ABCC11: variants seen among roughly 807,000 people sequenced by gnomAD.
ABCC11 encodes the protein ATP-binding cassette sub-family C member 11.
A neutral mutation model predicts 149.3 loss-of-function variants in ABCC11; 135 were observed. The ratio of observed to expected loss-of-function variants is 0.90; its 90% CI spans 0.79 to 1.04. ABCC11 has a LOEUF of 1.04. Ranked by LOEUF, ABCC11 falls within the 50% of genes least tolerant of loss-of-function variation. The pLI is 0.00. For missense variants in ABCC11, 1,680 were observed against 1,722.1 expected (o/e 0.98, Z 0.43); for synonymous variants, 665 against 671.4 (o/e 0.99, Z 0.15).
At chr16:48,223,900 C>T (rs944682529) in intron 5 of ABCC11, among the ~76,000 whole-genome samples, 10 of 152,152 alleles carry the variant, frequency 6.6e-5, no homozygotes, top group Admixed American at 5.9e-4. Flanking sequence ...GCTTTATATA[C>T]TTATCTCATT....
intron 4 of ABCC11, 94 bp downstream of exon 4, chr16:48,227,712 G>A: frequency 1.3e-6 from 2 of 1,547,176 alleles, no homozygotes; most frequent in South Asian, 1.1e-5. Context: ...CGTCTGGCAT[G>A]GCCCCTCCCT....
chr16:48,174,226 G>A (rs1312184052), intron 26 of ABCC11, among the ~76,000 whole-genome samples: 3 of 152,196 alleles, frequency 2.0e-5, no homozygotes. Context: ...TCCTGCTGGG[G>A]GAGCAGGGAA....
chr16:48,192,404 A>T, intron 20 of ABCC11, 116 bp downstream of exon 20: 2 of 1,148,290 alleles, frequency 1.7e-6, no homozygotes, highest in Non-Finnish European at 2.4e-6. Flanking sequence ...AGATTGTGCC[A>T]CTGCACTCCA....
At position 48,232,004 on chromosome 16, in the gene ABCC11, C is replaced by T. The variant is rs147156700; in HGVS notation, c.-18-65G>A. The T allele has an allele frequency of 3.9e-4, 620 of 1,598,956 alleles. 2 individuals are homozygous for T. The African/African-American group carries it at 7.7e-3, about 20-fold the overall frequency. ...GAGTTAGAAGAAGCTTAGATCTCGC[C>T]TTGAGCAGCCAGAAGAGGGGGCACT... On this transcript the variant is annotated intron_variant, in intron 1 of 29. Coordinates refer to ENST00000356608, the MANE Select transcript of ABCC11 (RefSeq NM_001370497.1).
At chr16:48,195,390 C>A (rs1596725646) in intron 18 of ABCC11, among the ~76,000 whole-genome samples, 1 of 152,180 alleles carries the variant, frequency 6.6e-6, no homozygotes, top group Non-Finnish European at 1.5e-5. Flanking sequence ...TTACTCCTTG[C>A]AGGATACCCA....
chr16:48,201,621 C>T (rs935174679), intron 14 of ABCC11, among the ~76,000 whole-genome samples: 1 of 151,906 alleles, frequency 6.6e-6, no homozygotes, highest in African/African-American at 2.4e-5. Context: ...TTTTTAATCT[C>T]CATTGACAGC....
chr16:48,188,540 C>T (rs1015492350), intron 20 of ABCC11, among the ~76,000 whole-genome samples: 1 of 152,224 alleles, frequency 6.6e-6, no homozygotes, highest in East Asian at 1.9e-4. Context: ...TCTCTAACAG[C>T]CAGTGGCCAT....
Position 48,224,349 on chromosome 16 carries a change from T to C in ABCC11, c.476A>G (p.Gln159Arg), listed in dbSNP as rs986519416. 9.3e-6 allele frequency: 15 copies of C among 1,614,180 alleles called. No homozygotes were observed. In the Admixed American group the frequency reaches 2.5e-4, roughly 27 times the overall value. The change falls in exon 5 of 30, where the codon CAG (glutamine) becomes CGG (arginine). Residue 159 changes from glutamine (Q) to arginine (R), a missense_variant. By Grantham distance (43) the Gln-to-Arg change is conservative. Transcript: ENST00000356608. Reference sequence around the variant, plus strand: ...TGCATCGAAAATCAACCTTGTTCTCTGGAACCTCAGCATCACCAGAAGCAC... The same window carrying C: ...TGCATCGAAAATCAACCTTGTTCTCCGGAACCTCAGCATCACCAGAAGCAC... ...ASVLLVMLRF[Q>R]RTRLIFDALL...
chr16:48,236,933 G>A (rs1358296943), intron 1 of ABCC11, among the ~76,000 whole-genome samples: 1 of 152,200 alleles, frequency 6.6e-6, no homozygotes, highest in Admixed American at 6.5e-5. Context: ...TTGATGCCTA[G>A]TGTTCCATTA....
In ABCC11 at chr16:48,177,034, A is replaced by T. The variant is rs1431045143; in HGVS notation, c.3428T>A (p.Phe1143Tyr). Residue 1143 changes from phenylalanine (F) to tyrosine (Y), a missense_variant, in exon 25 of 30, where the codon TTT (phenylalanine) becomes TAT (tyrosine). Phe to Tyr is a conservative substitution (Grantham distance 22). Coordinates refer to ENST00000356608, the MANE Select transcript of ABCC11 (RefSeq NM_001370497.1). ...TCTGTATTTCATGTGATAATCCTGA[A>T]ATATGATTTCCCCATGCTGTGGCCA... is the stretch of plus-strand genomic sequence containing the variant. Reference protein sequence around the residue: ...QGWPQHGEIIFQDYHMKYRDN... With the variant: ...QGWPQHGEIIYQDYHMKYRDN... 1.2e-6 allele frequency: 2 copies of T among 1,614,108 alleles called. No homozygotes were observed. Among genetic ancestry groups the T allele is most frequent in the Non-Finnish European group, 8.5e-7 (1 of 1,180,042 alleles).
chr16:48,220,309 C>G (rs1969649477), intron 6 of ABCC11, among the ~76,000 whole-genome samples: 2 of 152,186 alleles, frequency 1.3e-5, no homozygotes, highest in South Asian at 4.1e-4. Context: ...CCTACCCTTT[C>G]CTTGCCTCAG....
In ABCC11 at chr16:48,215,007, T is replaced by C. The variant is rs8047091; in HGVS notation, c.1122A>G (p.Lys374=). 253,620 of 1,613,234 alleles carry C rather than the reference T, an allele frequency of 0.16. 22,434 individuals carry two copies. Among genetic ancestry groups the C allele is most frequent in the African/African-American group, 0.34 (25,269 of 74,868 alleles). Residue 374 remains lysine, a synonymous_variant, in exon 9 of 30, where the codon AAA becomes AAG. Transcript: ENST00000356608. Reference sequence around the variant, plus strand: ...GGACAAGCCCGCACTTCTCCAATAGTTTCCTTTCCTTCCTTCTTAGGTCTG... The same window carrying C: ...GGACAAGCCCGCACTTCTCCAATAGCTTCCTTTCCTTCCTTCTTAGGTCTG... ...IIEDLRRKER[K]LLEKCGLVQS...
In ABCC11 at chr16:48,187,196, C is replaced by A. The variant is rs374188649; in HGVS notation, c.2933+5G>T. ...CCAAGTCACAAGCAAAAAGAACCTA[C>A]TCACATATAATAAATGAAGCAAATA... On this transcript the variant is annotated splice_donor_5th_base_variant and intron_variant, in intron 21 of 29. Transcript: ENST00000356608. 3 of 1,614,032 alleles carry A rather than the reference C, an allele frequency of 1.9e-6. No individual in the cohort carries two copies. Among genetic ancestry groups the A allele is most frequent in the Non-Finnish European group, 8.5e-7 (1 of 1,179,980 alleles).
intron 1 of ABCC11, among the ~76,000 whole-genome samples, chr16:48,236,745 G>A (rs1287026994): frequency 6.6e-6 from 1 of 152,216 alleles, no homozygotes; most frequent in Non-Finnish European, 1.5e-5. Context: ...AGGATTGAAA[G>A]AGGGTTTTCA....
chr16:48,199,446 A>G (rs1330297382), intron 15 of ABCC11, among the ~76,000 whole-genome samples: 1 of 152,110 alleles, frequency 6.6e-6, no homozygotes. Flanking sequence ...AAAAAGAAAC[A>G]GAAGAAGAAG....
At chr16:48,184,999 C>A (rs1171897487) in intron 22 of ABCC11, among the ~76,000 whole-genome samples, 1 of 152,268 alleles carries the variant, frequency 6.6e-6, no homozygotes, top group South Asian at 2.1e-4. Context: ...GATGGGATAT[C>A]TGAAACTACC....
chr16:48,227,766 T>A (rs776779319), intron 4 of ABCC11, 40 bp downstream of exon 4: 8 of 1,612,668 alleles, frequency 5.0e-6, no homozygotes, highest in Non-Finnish European at 5.9e-6. Flanking sequence ...CAAGAGATTG[T>A]CTTTTAACCT....
At chr16:48,210,910 T>G (rs773131877) in intron 11 of ABCC11, 38 bp downstream of exon 11, 1 of 1,602,680 alleles carries the variant, frequency 6.2e-7, no homozygotes, top group South Asian at 1.1e-5. Flanking sequence ...CCTGAGAGCC[T>G]GGCAGCTGGC....
At chr16:48,227,745 C>A in intron 4 of ABCC11, 61 bp downstream of exon 4, 2 of 1,604,732 alleles carry the variant, frequency 1.2e-6, no homozygotes, top group South Asian at 2.2e-5. Context: ...CATCTCTGGT[C>A]ATTATCCCAC....
Sources: gnomAD v4.1 joint callset for allele counts (sites outside exome capture counted in the v4.1 genomes callset) on GRCh38, gnomAD v4.1.1 for gene constraint, MANE v1.5 for transcripts, NCBI Gene and HGNC (gene_info 2026-07-23, HGNC 2026-07-21) for gene names.